The following FGGY variants were observed in gnomAD, a reference collection of about 807,000 sequenced individuals.
FGGY encodes FGGY carbohydrate kinase domain-containing protein.
FGGY carries 72 observed loss-of-function variants against 71.3 expected under a neutral mutation model. That is an observed-to-expected ratio of 1.01 (90% CI 0.84 to 1.23). The LOEUF (loss-of-function observed/expected upper bound fraction) is 1.23, where lower values mean the gene tolerates loss of function less well. Among genes scored for constraint, FGGY ranks in the 50% most tolerant of loss-of-function variants. The pLI is 0.00. For synonymous variants in FGGY, 251 were observed against 250.3 expected (o/e 1.00, Z -0.02); for missense variants, 668 against 682.3 (o/e 0.98, Z 0.23).
At chr1:59,493,265 ATGAT>A (rs1374998484) in intron 6 of FGGY, among the ~76,000 whole-genome samples, 1 of 152,174 alleles carries the variant, frequency 6.6e-6, no homozygotes, top group Non-Finnish European at 1.5e-5. Context: ...ATATTACCAT[ATGAT>A]CCAGCATTTC....
At chr1:59,710,006 G>T (rs1422893592) in intron 14 of FGGY, among the ~76,000 whole-genome samples, 1 of 152,184 alleles carries the variant, frequency 6.6e-6, no homozygotes, top group African/African-American at 2.4e-5. Flanking sequence ...TCATCTTTAT[G>T]AGGAGAAGAG....
At chr1:59,391,127 G>A (rs1366276628) in intron 5 of FGGY, among the ~76,000 whole-genome samples, 2 of 152,180 alleles carry the variant, frequency 1.3e-5, no homozygotes, top group Non-Finnish European at 2.9e-5. Flanking sequence ...TAGTAAACCT[G>A]TGGTTCGATG....
intron 5 of FGGY, among the ~76,000 whole-genome samples, chr1:59,412,281 G>A (rs2063721153): frequency 6.6e-6 from 1 of 152,098 alleles, no homozygotes; most frequent in African/African-American, 2.4e-5. Context: ...TCCCACACAT[G>A]TACAACCTGG....
chr1:59,593,144 A>G (rs1218352334), intron 8 of FGGY, among the ~76,000 whole-genome samples: 1 of 152,218 alleles, frequency 6.6e-6, no homozygotes, highest in Non-Finnish European at 1.5e-5. Context: ...TGTGACCACA[A>G]GAACCGTCAG....
At chr1:59,512,484 G>T (rs377534202) in intron 7 of FGGY, 45 bp downstream of exon 7, 2 of 1,594,662 alleles carry the variant, frequency 1.3e-6, no homozygotes, top group South Asian at 1.1e-5. Flanking sequence ...TATTCAAATG[G>T]AATATTCCCT....
At chr1:59,341,670 G>A (rs946306484) in intron 3 of FGGY, among the ~76,000 whole-genome samples, 2 of 152,214 alleles carry the variant, frequency 1.3e-5, no homozygotes, top group African/African-American at 2.4e-5. Context: ...GCCCAGGACA[G>A]GGCAGCCTTG....
chr1:59,424,531 G>A (rs527387064), intron 5 of FGGY, among the ~76,000 whole-genome samples: 1 of 152,302 alleles, frequency 6.6e-6, no homozygotes, highest in African/African-American at 2.4e-5. Flanking sequence ...TGGCGACAGA[G>A]TGAGACTCTG....
At chr1:59,593,251 G>T (rs766558449) in intron 8 of FGGY, among the ~76,000 whole-genome samples, 3 of 152,174 alleles carry the variant, frequency 2.0e-5, no homozygotes, top group African/African-American at 4.8e-5. Context: ...TCCTTGAGAG[G>T]GTCCTCAGTG....
intron 14 of FGGY, among the ~76,000 whole-genome samples, chr1:59,693,773 G>T (rs1341580617): frequency 7.2e-5 from 11 of 152,152 alleles, no homozygotes; most frequent in Admixed American, 7.2e-4. Context: ...TTGAGAGGCT[G>T]AGGCCAGTGA....
intron 9 of FGGY, among the ~76,000 whole-genome samples, chr1:59,610,547 C>T (rs988976534): frequency 3.9e-5 from 6 of 152,150 alleles, no homozygotes; most frequent in Non-Finnish European, 7.3e-5. Context: ...CCAAGATGGC[C>T]GAATAGGAAC....
intron 14 of FGGY, among the ~76,000 whole-genome samples, chr1:59,746,229 G>C (rs1005492249): frequency 6.6e-6 from 1 of 152,116 alleles, no homozygotes; most frequent in Non-Finnish European, 1.5e-5. Context: ...TCATTAGGTG[G>C]CATAAACCTC....
chr1:59,692,634 CAAA>C (rs60192053), intron 14 of FGGY, among the ~76,000 whole-genome samples: 5 of 91,002 alleles, frequency 5.5e-5, no homozygotes, highest in South Asian at 3.2e-4. Context: ...GATGAGAGGA[CAAA>C]AAAAAAAAAA....
chr1:59,591,827 A>G (rs1339276584), intron 8 of FGGY, among the ~76,000 whole-genome samples: 1 of 152,258 alleles, frequency 6.6e-6, no homozygotes, highest in Non-Finnish European at 1.5e-5. Flanking sequence ...ACCTAAAACC[A>G]TAAAAACCCT....
chr1:59,553,314 G>A (rs572527808), intron 7 of FGGY, among the ~76,000 whole-genome samples: 93 of 152,280 alleles, frequency 6.1e-4, no homozygotes, highest in African/African-American at 2.0e-3. Flanking sequence ...AGTATATATC[G>A]TTTTGTGCAT....
At chr1:59,670,587 T>C (rs1355375777) in intron 13 of FGGY, among the ~76,000 whole-genome samples, 2 of 152,128 alleles carry the variant, frequency 1.3e-5, no homozygotes, top group Non-Finnish European at 2.9e-5. Flanking sequence ...AGATCACTGC[T>C]GAGGAATAAA....
At chr1:59,358,671 A>AAGTTGGG (rs1323348774) in intron 4 of FGGY, among the ~76,000 whole-genome samples, 18 of 152,196 alleles carry the variant, frequency 1.2e-4, no homozygotes, top group Admixed American at 1.2e-3. Context: ...TTTTTGGAAT[A>AAGTTGGG]AGTTGGGAGA....
chr1:59,316,485 T>C (rs835402), intron 1 of FGGY, among the ~76,000 whole-genome samples: 3,337 of 152,284 alleles, frequency 0.022, 122 homozygotes, highest in African/African-American at 0.077. Flanking sequence ...CTTCTTAGGA[T>C]TGCTAAAACC....
chr1:59,338,220 A>G (rs2049986894), intron 2 of FGGY, among the ~76,000 whole-genome samples: 1 of 152,170 alleles, frequency 6.6e-6, no homozygotes, highest in Non-Finnish European at 1.5e-5. Context: ...AAAGTTTTAC[A>G]TGCTGGAAGA....
At chr1:59,658,100 G>A (rs1415964312) in intron 11 of FGGY, among the ~76,000 whole-genome samples, 1 of 152,180 alleles carries the variant, frequency 6.6e-6, no homozygotes, top group Non-Finnish European at 1.5e-5. Flanking sequence ...TATTAACTGA[G>A]TGCTTACTAT....
Sources: gnomAD v4.1 joint callset for allele counts (sites outside exome capture counted in the v4.1 genomes callset) on GRCh38, gnomAD v4.1.1 for gene constraint, MANE v1.5 for transcripts, NCBI Gene and HGNC (gene_info 2026-07-23, HGNC 2026-07-21) for gene names.